Variants in FBXL17 observed in about 807,000 individuals in gnomAD.
FBXL17 encodes the protein F-box and leucine rich repeat protein 17.
FBXL17 carries 22 observed loss-of-function variants against 66.2 expected under a neutral mutation model. That is an observed-to-expected ratio of 0.33 (90% confidence interval 0.24 to 0.47). FBXL17 has a LOEUF of 0.47. Ranked by LOEUF, FBXL17 falls within the 20% of genes least tolerant of loss-of-function variation. The pLI is 1.00. For missense variants in FBXL17, 878 were observed against 948.2 expected, an observed-to-expected ratio of 0.93 and a Z score of 0.97; for synonymous variants, 474 against 400.5, an observed-to-expected ratio of 1.18 and a Z score of -2.19.
In FBXL17 at chr5:108,039,667, G is replaced by T. The variant is rs139578184; in HGVS notation, c.1746-18666C>A. 2.3e-3 allele frequency among the ~76,000 whole-genome samples: 355 copies of T among 152,108 alleles called. 2 individuals carry two copies. Among genetic ancestry groups the T allele is most frequent in the African/African-American group, 6.1e-3 (255 of 41,502 alleles). On this transcript the variant is annotated intron_variant, in intron 6 of 8. Coordinates refer to ENST00000542267, the MANE Select transcript of FBXL17 (RefSeq NM_001163315.3). ...TATCAGTTTTCATAGTATATAACTGGATATCAGCTCAAGCACAATTCTGAG... is the reference window on the plus strand; with the variant it reads ...TATCAGTTTTCATAGTATATAACTGTATATCAGCTCAAGCACAATTCTGAG...
intron 6 of FBXL17, among the ~76,000 whole-genome samples, chr5:108,094,166 A>T: frequency 6.6e-6 from 1 of 152,154 alleles, no homozygotes; most frequent in Non-Finnish European, 1.5e-5. Flanking sequence ...TATAGCTCAT[A>T]GTAGTGTGTG....
intron 7 of FBXL17, among the ~76,000 whole-genome samples, chr5:107,952,616 T>G (rs1751532442): frequency 6.6e-6 from 1 of 152,240 alleles, no homozygotes; most frequent in Non-Finnish European, 1.5e-5. Flanking sequence ...AAAGCTCAGA[T>G]AACCCAATGA....
intron 4 of FBXL17, among the ~76,000 whole-genome samples, chr5:108,262,576 T>C (rs1756883595): frequency 6.6e-6 from 1 of 152,148 alleles, no homozygotes; most frequent in African/African-American, 2.4e-5. Flanking sequence ...GACTTCCTAA[T>C]GCAAGCTGTT....
rs548603840 is a variant in FBXL17 at position 108,257,294 on chromosome 5, C to G, written c.1507-33066G>C. Reference sequence around the variant, plus strand: ...TTCCTTATCTATAAAACAGGGATTACTGGGAATATCATAAGTTGATTTCTG... The same window carrying G: ...TTCCTTATCTATAAAACAGGGATTAGTGGGAATATCATAAGTTGATTTCTG... On this transcript the variant is annotated intron_variant, in intron 4 of 8. Transcript: ENST00000542267. Among the ~76,000 whole-genome samples the G allele has an allele frequency of 9.9e-5, 15 of 152,216 alleles. 1 individual carries two copies. The South Asian group carries it at 3.1e-3, about 32-fold the overall frequency.
intron 6 of FBXL17, among the ~76,000 whole-genome samples, chr5:108,178,543 T>A (rs1752883583): frequency 6.6e-6 from 1 of 152,176 alleles, no homozygotes; most frequent in Non-Finnish European, 1.5e-5. Context: ...CAGAACTCAG[T>A]AAAATATATT....
At chr5:108,154,052 G>A (rs1042785994) in intron 6 of FBXL17, among the ~76,000 whole-genome samples, 1 of 151,922 alleles carries the variant, frequency 6.6e-6, no homozygotes, top group South Asian at 2.1e-4. Context: ...GCCCAAATGA[G>A]CCCACTCCTC....
At chr5:108,150,183 T>A (rs775306270) in intron 6 of FBXL17, among the ~76,000 whole-genome samples, 19 of 152,212 alleles carry the variant, frequency 1.2e-4, no homozygotes, top group Non-Finnish European at 2.2e-4. Flanking sequence ...CAGTCTCCTA[T>A]TAAATCACAT....
chr5:108,021,077 G>A, intron 6 of FBXL17, 76 bp from the exon 7 acceptor site: 1 of 1,040,228 alleles, frequency 9.6e-7, no homozygotes. Context: ...ATAGGAAGAG[G>A]TCAGTATTTG....
At chr5:108,372,087 A>G (rs1402324849) in intron 1 of FBXL17, among the ~76,000 whole-genome samples, 2 of 152,190 alleles carry the variant, frequency 1.3e-5, no homozygotes, top group African/African-American at 4.8e-5. Flanking sequence ...TCATGCTGTA[A>G]AAGAAGTTTC....
intron 6 of FBXL17, among the ~76,000 whole-genome samples, chr5:108,022,526 T>C (rs1161174830): frequency 6.6e-6 from 1 of 152,010 alleles, no homozygotes; most frequent in South Asian, 2.1e-4. Context: ...CAAATATACA[T>C]ATCTCACTGT....
At chr5:107,980,767 C>A (rs1752790541) in intron 7 of FBXL17, among the ~76,000 whole-genome samples, 1 of 148,162 alleles carries the variant, frequency 6.7e-6, no homozygotes, top group African/African-American at 2.5e-5. Flanking sequence ...TGCCATTCTC[C>A]TGCCTCAGCC....
At chr5:108,011,978 C>A (rs1754193922) in intron 7 of FBXL17, among the ~76,000 whole-genome samples, 1 of 152,136 alleles carries the variant, frequency 6.6e-6, no homozygotes, top group Non-Finnish European at 1.5e-5. Context: ...GAAATATCTG[C>A]ACTTTAAAGC....
chr5:108,314,855 G>C (rs1759287737), intron 4 of FBXL17, among the ~76,000 whole-genome samples: 3 of 151,316 alleles, frequency 2.0e-5, no homozygotes, highest in Non-Finnish European at 4.4e-5. Context: ...AAACACTGCA[G>C]ACTAGGTTAA....
chr5:108,298,341 T>G, intron 4 of FBXL17: 1 of 983,968 alleles, frequency 1.0e-6, no homozygotes. Flanking sequence ...AAATCGTTTT[T>G]GTATAAAATC....
At chr5:108,094,851 C>A (rs561017100) in intron 6 of FBXL17, among the ~76,000 whole-genome samples, 1 of 145,864 alleles carries the variant, frequency 6.9e-6, no homozygotes, top group African/African-American at 2.6e-5. Context: ...GAGGTTATAT[C>A]AAAATTGACA....
At chr5:107,896,910 A>T (rs1749405085) in intron 7 of FBXL17, among the ~76,000 whole-genome samples, 1 of 152,052 alleles carries the variant, frequency 6.6e-6, no homozygotes, top group Non-Finnish European at 1.5e-5. Context: ...TATAGCTTTT[A>T]TGTGGGTACA....
At chr5:108,121,957 C>G (rs1750520325) in intron 6 of FBXL17, among the ~76,000 whole-genome samples, 1 of 151,924 alleles carries the variant, frequency 6.6e-6, no homozygotes, top group South Asian at 2.1e-4. Flanking sequence ...TACTCCAACC[C>G]CAAAATTTTG....
chr5:108,140,319 A>G (rs537599786), intron 6 of FBXL17, among the ~76,000 whole-genome samples: 2 of 152,316 alleles, frequency 1.3e-5, no homozygotes, highest in East Asian at 1.9e-4. Flanking sequence ...ATGTGGGATT[A>G]CAGGTGTGAG....
chr5:108,068,220 T>C (rs1748186845), intron 6 of FBXL17, among the ~76,000 whole-genome samples: 1 of 152,172 alleles, frequency 6.6e-6, no homozygotes, highest in Non-Finnish European at 1.5e-5. Context: ...AATTTTTGCT[T>C]ATGGATCTAA....
Sources: gnomAD v4.1 joint callset for allele counts (sites outside exome capture counted in the v4.1 genomes callset) on GRCh38, gnomAD v4.1.1 for gene constraint, MANE v1.5 for transcripts, NCBI Gene and HGNC (gene_info 2026-07-23, HGNC 2026-07-21) for gene names.